ARID4A: variants seen among roughly 807,000 people sequenced by gnomAD.
ARID4A encodes AT-rich interaction domain 4A.
ARID4A carries 39 observed loss-of-function variants against 148.6 expected under a neutral mutation model. The ratio of observed to expected loss-of-function variants is 0.26; its 90% CI spans 0.20 to 0.34. ARID4A has a LOEUF of 0.34. Ranked by LOEUF, ARID4A falls within the 10% of genes least tolerant of loss-of-function variation. The pLI is 1.00. For synonymous variants in ARID4A, 475 were observed against 481.2 expected, an observed-to-expected ratio of 0.99 and a Z score of 0.17; for missense variants, 1,265 against 1,449.1, an observed-to-expected ratio of 0.87 and a Z score of 2.06.
At chr14:58,336,560 G>A (rs2033824939) in intron 11 of ARID4A, among the ~76,000 whole-genome samples, 1 of 73,234 alleles carries the variant, frequency 1.4e-5, no homozygotes, top group Non-Finnish European at 3.1e-5. Context: ...CTAAGGTGTT[G>A]TGACAAAATA....
chr14:58,351,120 T>C lies in ARID4A; in HGVS notation c.1452T>C (p.Ile484=), dbSNP rs17094469. ...ARDVNSIKKE[I]EEEKTEDKLK... ...ATGTAAATTCTATTAAAAAGGAAATTGAAGAAGAGAAAACAGAAGACAAAT... is the reference window on the plus strand; with the variant it reads ...ATGTAAATTCTATTAAAAAGGAAATCGAAGAAGAGAAAACAGAAGACAAAT... The change falls in exon 16 of 24, where the codon ATT becomes ATC. Residue 484 remains isoleucine (I), a synonymous_variant. Transcript: ENST00000355431. The C allele has an allele frequency of 2.1e-3, 3,294 of 1,603,312 alleles. 71 individuals are homozygous for C. The African/African-American group carries it at 0.039, about 19-fold the overall frequency.
intron 1 of ARID4A, 182 bp from the exon 2 acceptor site, chr14:58,299,616 G>C: frequency 1.7e-6 from 1 of 592,450 alleles, no homozygotes; most frequent in East Asian, 2.8e-5. Flanking sequence ...CTGCCCTTTG[G>C]CGCTCGTGGG....
At chr14:58,299,942 T>C in intron 2 of ARID4A, 82 bp downstream of exon 2, 1 of 1,590,074 alleles carries the variant, frequency 6.3e-7, no homozygotes, top group Non-Finnish European at 8.6e-7. Context: ...TGTCATTTGT[T>C]TTGCTACTCA....
chr14:58,373,301 C>G lies in ARID4A; in HGVS notation c.*1312C>G. 1 of 193,578 alleles carries G rather than the reference C, an allele frequency of 5.2e-6. No individual in the cohort carries two copies. The highest frequency in any genetic ancestry group is 8.2e-5 in the East Asian group (1 of 12,176). The allele number at this position is 193,578 out of a possible 1,614,324, so 12.0% of individuals were successfully genotyped here. On this transcript the variant is annotated 3_prime_UTR_variant, in exon 24 of 24. Transcript: ENST00000355431. ...AGACTGATAGATTTTGTAAATAATT[C>G]TTCCAAAATCATGTATTTAAAGCAG...
rs1222215230 is a variant in ARID4A, at chr14:58,365,570, G to A, written c.3264G>A (p.Lys1088=). The A allele has an allele frequency of 1.6e-5, 25 of 1,573,780 alleles. No homozygotes were observed. Among genetic ancestry groups the A allele is most frequent in the Non-Finnish European group, 2.2e-5 (25 of 1,159,258 alleles). ...GNSGLMAKKQ[K]RTPKRTSAAA... ...GTGGATTAATGGCAAAAAAGCAAAA[G>A]CGTACCCCAAAGCGAACAAGTGCTG... is the stretch of plus-strand genomic sequence containing the variant. Residue 1088 remains lysine, a synonymous_variant, in exon 21 of 24, where the codon AAG becomes AAA. Transcript: ENST00000355431.
chr14:58,341,389 C>T (rs974410263), intron 11 of ARID4A, among the ~76,000 whole-genome samples: 2 of 152,246 alleles, frequency 1.3e-5, no homozygotes, highest in Non-Finnish European at 2.9e-5. Context: ...TGCCCATTTG[C>T]TGTAGCTCCA....
At chr14:58,299,079 C>T (rs565683230) in intron 1 of ARID4A, among the ~76,000 whole-genome samples, 4 of 152,328 alleles carry the variant, frequency 2.6e-5, no homozygotes, top group Non-Finnish European at 5.9e-5. Context: ...GAGCTGATAC[C>T]TCTCTGGGCT....
intron 17 of ARID4A, among the ~76,000 whole-genome samples, chr14:58,358,864 TAGAGTTTGCTTTCCA>T (rs1234307835): frequency 1.3e-5 from 2 of 152,258 alleles, no homozygotes; most frequent in African/African-American, 4.8e-5. Context: ...GTCTTGAATC[TAGAGTTTGCTTTCCA>T]AGACTCTCCC....
intron 11 of ARID4A, among the ~76,000 whole-genome samples, chr14:58,334,493 A>T (rs2033696341): frequency 6.6e-6 from 1 of 152,188 alleles, no homozygotes; most frequent in Non-Finnish European, 1.5e-5. Flanking sequence ...ACCACTCTAA[A>T]TTTTATGATT....
chr14:58,357,678 A>ATTC (rs1312800704), intron 17 of ARID4A, among the ~76,000 whole-genome samples: 1 of 151,030 alleles, frequency 6.6e-6, no homozygotes, highest in African/African-American at 2.4e-5. Context: ...GCCCAAGACA[A>ATTC]TTCTTCTTCC....
chr14:58,367,099 T>G, intron 23 of ARID4A, 70 bp downstream of exon 23: 2 of 1,184,398 alleles, frequency 1.7e-6, no homozygotes, highest in Non-Finnish European at 2.2e-6. Flanking sequence ...AGATTTAAAT[T>G]TGATACTCTT....
chr14:58,299,626 G>C (rs1185016957), intron 1 of ARID4A, 172 bp from the exon 2 acceptor site: 1 of 602,734 alleles, frequency 1.7e-6, no homozygotes, highest in African/African-American at 1.9e-5. Flanking sequence ...GCGCTCGTGG[G>C]GTTCTCGCTG....
intron 16 of ARID4A, among the ~76,000 whole-genome samples, chr14:58,352,850 A>G (rs909269680): frequency 5.3e-5 from 8 of 152,300 alleles, no homozygotes; most frequent in African/African-American, 1.9e-4. Flanking sequence ...TAAAAATATT[A>G]AAAGTATTTT....
intron 19 of ARID4A, among the ~76,000 whole-genome samples, chr14:58,362,505 G>T (rs1056091417): frequency 6.6e-6 from 1 of 151,442 alleles, no homozygotes; most frequent in African/African-American, 2.4e-5. Flanking sequence ...TGGGAGGATT[G>T]CTTGAGTCTG....
intron 16 of ARID4A, chr14:58,353,363 T>A: frequency 4.4e-6 from 1 of 229,798 alleles, no homozygotes; most frequent in East Asian, 8.3e-5. Context: ...GAGCATATTT[T>A]TCTTATTTTG....
intron 11 of ARID4A, among the ~76,000 whole-genome samples, chr14:58,334,230 GTTGAC>G (rs1366492464): frequency 6.6e-6 from 1 of 152,106 alleles, no homozygotes; most frequent in Non-Finnish European, 1.5e-5. Flanking sequence ...ATATGATATA[GTTGAC>G]TTGTACTAAA....
chr14:58,346,698 C>T (rs1282172315), intron 13 of ARID4A, among the ~76,000 whole-genome samples, 193 bp downstream of exon 13: 2 of 151,496 alleles, frequency 1.3e-5, no homozygotes, highest in East Asian at 1.9e-4. Context: ...GAGATTGAGG[C>T]GGGTGGATTG....
At chr14:58,304,566 C>G (rs2031452143) in intron 3 of ARID4A, among the ~76,000 whole-genome samples, 1 of 152,130 alleles carries the variant, frequency 6.6e-6, no homozygotes, top group South Asian at 2.1e-4. Flanking sequence ...TTCATATAGG[C>G]AATACAGTTT....
At chr14:58,314,708 T>G (rs1324332173) in intron 5 of ARID4A, among the ~76,000 whole-genome samples, 2 of 151,936 alleles carry the variant, frequency 1.3e-5, no homozygotes, top group Non-Finnish European at 2.9e-5. Flanking sequence ...GGATTACAGG[T>G]GTGAGCCATC....
Sources: gnomAD v4.1 joint callset for allele counts (sites outside exome capture counted in the v4.1 genomes callset) on GRCh38, gnomAD v4.1.1 for gene constraint, MANE v1.5 for transcripts, NCBI Gene and HGNC (gene_info 2026-07-23, HGNC 2026-07-21) for gene names.